CEP85: variants seen among roughly 807,000 people sequenced by gnomAD.
CEP85 encodes centrosomal protein 85.
Under a neutral mutation model 93.7 loss-of-function variants are expected in CEP85, and 58 were observed. The ratio of observed to expected loss-of-function variants is 0.62; its 90% CI spans 0.50 to 0.77. The LOEUF (loss-of-function observed/expected upper bound fraction) is 0.77. CEP85 is among the 30% of genes least tolerant of loss of function. CEP85 has a pLI of 0.00. For synonymous variants in CEP85, 314 were observed against 338.6 expected (o/e 0.93, Z 0.80); for missense variants, 868 against 922.0 (o/e 0.94, Z 0.76).
rs1392471882 is a variant in CEP85 at position 26,271,043 on chromosome 1, C to T, written c.1679C>T (p.Thr560Ile). 1 of 1,612,936 alleles carries T rather than the reference C, an allele frequency of 6.2e-7. No individual in the cohort carries two copies. Among genetic ancestry groups the T allele is most frequent in the African/African-American group, 1.3e-5 (1 of 74,852 alleles). ...CAAGATAAACAGTCTGTGGAGGAGA[C>T]CAGTGGAGAAGGTCCAGAAGTGGAA... ...SLQDKQSVEE[T>I]SGEGPEVEME... Residue 560 changes from threonine to isoleucine, a missense_variant, in exon 10 of 14, where the codon ACC becomes ATC. Coordinates refer to ENST00000451429, the MANE Select transcript of CEP85 (RefSeq NM_001319944.2).
intron 11 of CEP85, among the ~76,000 whole-genome samples, chr1:26,273,234 A>G (rs2090004153): frequency 6.6e-6 from 1 of 152,186 alleles, no homozygotes; most frequent in South Asian, 2.1e-4. Context: ...AGTGTCTTTA[A>G]CTGGGTTCTC....
At chr1:26,262,472 A>G (rs1215470039) in intron 7 of CEP85, among the ~76,000 whole-genome samples, 1 of 151,354 alleles carries the variant, frequency 6.6e-6, no homozygotes, top group East Asian at 2.0e-4. Context: ...AGTGAGTGAG[A>G]GTCTGTCTCA....
At chr1:26,246,553 G>A (rs2089511610) in intron 3 of CEP85, among the ~76,000 whole-genome samples, 1 of 152,016 alleles carries the variant, frequency 6.6e-6, no homozygotes, top group African/African-American at 2.4e-5. Flanking sequence ...GGGCAACACG[G>A]TGAAAGCCCA....
At position 26,268,617 on chromosome 1, in the gene CEP85, T is replaced by C. The variant is rs2089927598; in HGVS notation, c.1476T>C (p.His492=). The C allele has an allele frequency of 7.4e-6, 12 of 1,610,904 alleles. No homozygotes were observed. Among genetic ancestry groups the C allele is most frequent in the Non-Finnish European group, 1.0e-5 (12 of 1,178,650 alleles). Residue 492 remains histidine (H), a synonymous_variant, in exon 8 of 14, where the codon CAT becomes CAC. Coordinates refer to ENST00000451429, the MANE Select transcript of CEP85 (RefSeq NM_001319944.2). ...CTGACCTGCCCACACTGGAAGACCA[T>C]CAGAAGCAGAGCCAGCAGGTAGCAG... ...YLADLPTLED[H]QKQSQQLKDS...
At chr1:26,257,515 C>T (rs2124585561) in intron 4 of CEP85, 82 bp from the exon 5 acceptor site, 4 of 1,533,876 alleles carry the variant, frequency 2.6e-6, no homozygotes, top group East Asian at 4.5e-5. Context: ...GCTTTGACTA[C>T]AGACCCAGCT....
intron 6 of CEP85, among the ~76,000 whole-genome samples, chr1:26,259,277 C>T (rs1049637901): frequency 2.0e-5 from 3 of 152,116 alleles, no homozygotes; most frequent in Admixed American, 1.3e-4. Flanking sequence ...AGGTTCCTTC[C>T]AGTATACAAT....
chr1:26,271,278 T>C (rs972509377), intron 10 of CEP85, among the ~76,000 whole-genome samples, 171 bp downstream of exon 10: 4 of 152,176 alleles, frequency 2.6e-5, no homozygotes, highest in Non-Finnish European at 5.9e-5. Flanking sequence ...ATTTAGATAG[T>C]CATCCTTGTA....
At chr1:26,235,468 CTG>C (rs960903634) in intron 1 of CEP85, among the ~76,000 whole-genome samples, 5 of 151,364 alleles carry the variant, frequency 3.3e-5, no homozygotes, top group Non-Finnish European at 7.4e-5. Flanking sequence ...CTTCGTGTGT[CTG>C]TGTCAGCTGT....
At chr1:26,274,877 CTATA>C in intron 11 of CEP85, 83 bp from the exon 12 acceptor site, 1 of 1,042,638 alleles carries the variant, frequency 9.6e-7, no homozygotes, top group Non-Finnish European at 1.4e-6. Flanking sequence ...TGAGTCGTCA[CTATA>C]TAGTCCAAGC....
At chr1:26,235,744 G>T (rs1361480803) in intron 1 of CEP85, among the ~76,000 whole-genome samples, 1 of 151,940 alleles carries the variant, frequency 6.6e-6, no homozygotes, top group African/African-American at 2.4e-5. Context: ...GGATAATTTT[G>T]TATTTTTAGT....
chr1:26,242,694 A>G (rs1006901592), intron 2 of CEP85, among the ~76,000 whole-genome samples: 2 of 152,134 alleles, frequency 1.3e-5, no homozygotes, highest in African/African-American at 4.8e-5. Flanking sequence ...GGGAGCAATC[A>G]TTTGCCTCCC....
rs566054081 is a variant in CEP85 at position 26,259,733 on chromosome 1, G to A, written c.1272G>A (p.Gln424=). ...KKLSASEVEV[Q]LIRESLKVAL... ...TCTCTGCTTCTGAAGTTGAAGTCCA[G>A]CTCATCAGAGAGTCGCTCAAAGTGG... is the stretch of plus-strand genomic sequence containing the variant. Residue 424 remains glutamine, a synonymous_variant, in exon 7 of 14, where the codon CAG becomes CAA. Transcript: ENST00000451429. 6 of 1,613,926 alleles carry A rather than the reference G, an allele frequency of 3.7e-6. No homozygotes were observed. Among genetic ancestry groups the A allele is most frequent in the Non-Finnish European group, 5.1e-6 (6 of 1,179,966 alleles).
In CEP85 at chr1:26,255,871, G is replaced by A. The variant is rs752071338; in HGVS notation, c.903+6G>A. On this transcript the variant is annotated splice_donor_region_variant and intron_variant, in intron 4 of 13. Coordinates refer to ENST00000451429, the MANE Select transcript of CEP85 (RefSeq NM_001319944.2). Reference sequence around the variant, plus strand: ...TACAGATGGAGCAAATGCAGGTAGAGGTCTATCTTTCCTTGGATTTTCTAG... The same window carrying A: ...TACAGATGGAGCAAATGCAGGTAGAAGTCTATCTTTCCTTGGATTTTCTAG... 1.9e-6 allele frequency: 3 copies of A among 1,588,672 alleles called. No homozygotes were observed. Among genetic ancestry groups the A allele is most frequent in the South Asian group, 1.1e-5 (1 of 89,118 alleles).
intron 12 of CEP85, among the ~76,000 whole-genome samples, chr1:26,275,308 G>A (rs1389959445): frequency 6.7e-6 from 1 of 148,972 alleles, no homozygotes; most frequent in African/African-American, 2.5e-5. Flanking sequence ...TTAAGACAGA[G>A]TCTTGCTCTG....
At chr1:26,273,945 A>G (rs886605768) in intron 11 of CEP85, among the ~76,000 whole-genome samples, 9 of 148,976 alleles carry the variant, frequency 6.0e-5, no homozygotes, top group Non-Finnish European at 8.9e-5. Context: ...ATATATATAT[A>G]TGTGAATTTG....
intron 1 of CEP85, 61 bp from the exon 2 acceptor site, chr1:26,239,701 C>A: frequency 2.9e-6 from 3 of 1,033,912 alleles, no homozygotes; most frequent in Non-Finnish European, 4.6e-6. Flanking sequence ...TGAATGGGAA[C>A]TGAGTTGCGG....
Position 26,277,297 on chromosome 1 carries a change from A to G in CEP85, c.*4A>G. ...AGAAAACTGTGTCACACAGTGAGGA[A>G]TTCTGGGGGATTCCCCCAGGGAGGA... On this transcript the variant is annotated 3_prime_UTR_variant, in exon 14 of 14. Transcript: ENST00000451429. The G allele has an allele frequency of 1.9e-6, 3 of 1,606,516 alleles. No homozygotes were observed. The highest frequency in any genetic ancestry group is 2.6e-6 in the Non-Finnish European group (3 of 1,173,516).
At chr1:26,262,746 T>C (rs913166701) in intron 7 of CEP85, among the ~76,000 whole-genome samples, 16 of 152,320 alleles carry the variant, frequency 1.1e-4, no homozygotes, top group South Asian at 1.0e-3. Flanking sequence ...AAACTATTCC[T>C]CCTCATCCAT....
At chr1:26,275,871 A>G (rs2090046388) in intron 12 of CEP85, among the ~76,000 whole-genome samples, 1 of 152,192 alleles carries the variant, frequency 6.6e-6, no homozygotes, top group African/African-American at 2.4e-5. Flanking sequence ...AGGGAAGGAA[A>G]GTGGATTAAG....
Sources: gnomAD v4.1 joint callset for allele counts (sites outside exome capture counted in the v4.1 genomes callset) on GRCh38, gnomAD v4.1.1 for gene constraint, MANE v1.5 for transcripts, NCBI Gene and HGNC (gene_info 2026-07-23, HGNC 2026-07-21) for gene names.